The following TMEM132D variants were observed in gnomAD, a reference collection of about 807,000 sequenced individuals.
The protein encoded by TMEM132D is mature OL transmembrane protein.
In TMEM132D, 21 loss-of-function variants were observed where a neutral mutation model predicts 62.3. The ratio of observed to expected loss-of-function variants is 0.34; its 90% CI spans 0.24 to 0.49. The LOEUF (loss-of-function observed/expected upper bound fraction) is 0.49, where lower values mean the gene tolerates loss of function less well. Ranked by LOEUF, TMEM132D falls within the 20% of genes least tolerant of loss-of-function variation. The pLI is 0.99. For synonymous variants in TMEM132D, 621 were observed against 575.6 expected (o/e 1.08, Z -1.13); for missense variants, 1,346 against 1,402.8 (o/e 0.96, Z 0.65).
intron 3 of TMEM132D, among the ~76,000 whole-genome samples, chr12:129,361,813 G>A (rs1490321553): frequency 6.6e-6 from 1 of 152,172 alleles, no homozygotes; most frequent in African/African-American, 2.4e-5. Context: ...CAAGAATAGG[G>A]TAGAATTAAA....
intron 5 of TMEM132D, 64 bp downstream of exon 5, chr12:129,209,456 G>A (rs1184896253): frequency 6.3e-7 from 1 of 1,597,828 alleles, no homozygotes; most frequent in Non-Finnish European, 8.5e-7. Flanking sequence ...TCCCAAGCTG[G>A]TCCAGGAGCA....
intron 1 of TMEM132D, among the ~76,000 whole-genome samples, chr12:129,806,540 T>G: frequency 9.4e-6 from 1 of 106,176 alleles, no homozygotes; most frequent in East Asian, 3.2e-4. Flanking sequence ...CTGGGGACTG[T>G]TGTGGGGTGG....
At chr12:129,420,237 C>T (rs1249458562) in intron 3 of TMEM132D, among the ~76,000 whole-genome samples, 3 of 150,378 alleles carry the variant, frequency 2.0e-5, no homozygotes, top group Non-Finnish European at 4.4e-5. Flanking sequence ...GACACTGTAC[C>T]GTGTTTCATA....
At chr12:129,190,535 C>T (rs868413940) in intron 5 of TMEM132D, among the ~76,000 whole-genome samples, 2 of 22,818 alleles carry the variant, frequency 8.8e-5, no homozygotes, top group African/African-American at 3.0e-4. Context: ...GGAGGGGTCT[C>T]GGCCTGCAGA....
intron 3 of TMEM132D, among the ~76,000 whole-genome samples, chr12:129,410,452 C>T (rs568845607): frequency 4.1e-4 from 63 of 152,270 alleles, no homozygotes; most frequent in African/African-American, 5.8e-4. Context: ...CTTTGCCACC[C>T]GGGTTCAAGT....
chr12:129,466,214 A>G (rs1873888559), intron 3 of TMEM132D, among the ~76,000 whole-genome samples: 1 of 150,504 alleles, frequency 6.6e-6, no homozygotes, highest in South Asian at 2.1e-4. Context: ...CTGCTCTCTC[A>G]TGCAGGTCAC....
chr12:129,414,656 T>C (rs866749422), intron 3 of TMEM132D, among the ~76,000 whole-genome samples: 4 of 152,356 alleles, frequency 2.6e-5, no homozygotes, highest in Middle Eastern at 3.4e-3. Context: ...TTTGGTCTGG[T>C]AAGAACACTT....
At chr12:129,456,268 G>A (rs1593017033) in intron 3 of TMEM132D, among the ~76,000 whole-genome samples, 1 of 152,136 alleles carries the variant, frequency 6.6e-6, no homozygotes, top group South Asian at 2.1e-4. Flanking sequence ...TATGAGCACA[G>A]TGCCAGGTAC....
intron 4 of TMEM132D, among the ~76,000 whole-genome samples, chr12:129,262,152 G>A (rs1051678131): frequency 1.3e-5 from 2 of 152,048 alleles, no homozygotes; most frequent in African/African-American, 4.8e-5. Context: ...ATTTGTAAAG[G>A]GATGCACCGA....
At chr12:129,755,927 T>C (rs968805460) in intron 1 of TMEM132D, among the ~76,000 whole-genome samples, 6 of 152,196 alleles carry the variant, frequency 3.9e-5, no homozygotes, top group Admixed American at 2.0e-4. Context: ...GTAGTTGAGC[T>C]CACATAGAAC....
At chr12:129,418,721 G>A (rs913248075) in intron 3 of TMEM132D, among the ~76,000 whole-genome samples, 5 of 148,640 alleles carry the variant, frequency 3.4e-5, no homozygotes, top group African/African-American at 1.0e-4. Context: ...AGAACTTAAA[G>A]TATAATAATA....
intron 3 of TMEM132D, among the ~76,000 whole-genome samples, chr12:129,513,808 A>ATT (rs1328120954): frequency 3.0e-5 from 3 of 100,222 alleles, no homozygotes; most frequent in Non-Finnish European, 6.1e-5. Flanking sequence ...TTTTATTTTT[A>ATT]TTTATTTATT....
chr12:129,279,735 TC>T (rs1444904719), intron 4 of TMEM132D, among the ~76,000 whole-genome samples: 2 of 152,008 alleles, frequency 1.3e-5, no homozygotes, highest in Non-Finnish European at 2.9e-5. Context: ...CGTTCATTCT[TC>T]CCCCCAGCAC....
intron 5 of TMEM132D, among the ~76,000 whole-genome samples, chr12:129,157,236 G>A (rs1167146225): frequency 6.6e-6 from 1 of 152,226 alleles, no homozygotes. Flanking sequence ...AATGGCATTA[G>A]TCCACTTGTG....
intron 5 of TMEM132D, among the ~76,000 whole-genome samples, chr12:129,115,685 C>G (rs1315440349): frequency 1.3e-5 from 2 of 152,208 alleles, no homozygotes; most frequent in African/African-American, 4.8e-5. Context: ...CCCAGGCACA[C>G]TGGGCAGTCA....
chr12:129,415,015 G>T (rs933042221), intron 3 of TMEM132D, among the ~76,000 whole-genome samples: 9 of 152,254 alleles, frequency 5.9e-5, no homozygotes, highest in South Asian at 2.1e-4. Context: ...ACTTCATGCT[G>T]AATAAAATTC....
intron 3 of TMEM132D, among the ~76,000 whole-genome samples, chr12:129,510,965 T>A (rs1875480626): frequency 6.6e-6 from 1 of 152,214 alleles, no homozygotes; most frequent in African/African-American, 2.4e-5. Flanking sequence ...GTAGTATAAT[T>A]TGAAGTTAAG....
chr12:129,788,591 C>T (rs578195508), intron 1 of TMEM132D, among the ~76,000 whole-genome samples: 4 of 152,214 alleles, frequency 2.6e-5, no homozygotes, highest in Admixed American at 2.6e-4. Context: ...CTTTGGCACA[C>T]AAAATATTTA....
chr12:129,494,213 G>A (rs564378669), intron 3 of TMEM132D, among the ~76,000 whole-genome samples: 26 of 152,286 alleles, frequency 1.7e-4, no homozygotes, highest in Admixed American at 6.5e-4. Flanking sequence ...TTAGAGAGCC[G>A]CGCTTCTCTT....
Sources: gnomAD v4.1 joint callset for allele counts (sites outside exome capture counted in the v4.1 genomes callset) on GRCh38, gnomAD v4.1.1 for gene constraint, MANE v1.5 for transcripts, NCBI Gene and HGNC (gene_info 2026-07-23, HGNC 2026-07-21) for gene names.